SUN2: variants seen among roughly 807,000 people sequenced by gnomAD.
SUN2 encodes the protein SUN domain-containing protein 2.
In SUN2, 60 loss-of-function variants were observed where a neutral mutation model predicts 100.0. The observed-to-expected ratio is 0.60, with a 90% confidence interval of 0.49 to 0.74. The LOEUF is 0.74. Ranked by LOEUF, SUN2 falls within the 30% of genes least tolerant of loss-of-function variation. SUN2 has a pLI of 0.00. For missense variants in SUN2, 834 were observed against 954.6 expected (o/e 0.87, Z 1.66); for synonymous variants, 367 against 403.3 (o/e 0.91, Z 1.08).
At chr22:38,751,501 G>T (rs2092945826) in intron 2 of SUN2, 128 bp from the exon 3 acceptor site, 1 of 933,828 alleles carries the variant, frequency 1.1e-6, no homozygotes, top group East Asian at 2.6e-5. Flanking sequence ...TAGGCAACTC[G>T]CAGCTGCCAT....
chr22:38,745,606 G>T, intron 8 of SUN2, 78 bp downstream of exon 8: 1 of 1,569,816 alleles, frequency 6.4e-7, no homozygotes. Context: ...TGTGAGGCAG[G>T]CTGAGGGCGC....
rs763856034 is a variant in SUN2 at position 38,751,206 on chromosome 22, T to A, written c.286+4A>T. ...AGCCCCGGGACGGAGGGCTCCACAC[T>A]CACCCCAGTTGGCGTCACCATGCAG... is the stretch of plus-strand genomic sequence containing the variant. On this transcript the variant is annotated splice_donor_region_variant and intron_variant, in intron 3 of 17. Coordinates refer to ENST00000689035, the MANE Select transcript of SUN2 (RefSeq NM_015374.3). The A allele has an allele frequency of 6.2e-7, 1 of 1,610,828 alleles. No individual in the cohort carries two copies. The highest frequency in any genetic ancestry group is 1.1e-5 in the South Asian group (1 of 91,022).
Position 38,739,302 on chromosome 22 carries a change from G to T in SUN2, c.1663+40C>A. The T allele has an allele frequency of 6.2e-7, 1 of 1,601,458 alleles. No individual in the cohort carries two copies. Among genetic ancestry groups the T allele is most frequent in the Non-Finnish European group, 8.5e-7 (1 of 1,169,612 alleles). On this transcript the variant is annotated intron_variant, in intron 14 of 17. Transcript: ENST00000689035. This position sits in a 1 kb window ranked among gnomAD's most constrained non-coding sequence, Gnocchi z 6.7. ...GATGCCAGGGGACCGGCCATTGCGGGGTCCAGGACAAGGCAGAGCGAGGAA... is the reference window on the plus strand; with the variant it reads ...GATGCCAGGGGACCGGCCATTGCGGTGTCCAGGACAAGGCAGAGCGAGGAA...
chr22:38,751,454 G>A (rs139498913), intron 2 of SUN2, 81 bp from the exon 3 acceptor site: 43 of 1,534,480 alleles, frequency 2.8e-5, no homozygotes, highest in South Asian at 5.7e-5. Flanking sequence ...CACAGCCTGC[G>A]GCCCTGCCTA....
intron 1 of SUN2, among the ~76,000 whole-genome samples, chr22:38,753,210 CTT>C (rs869037443): frequency 1.3e-4 from 11 of 86,260 alleles, no homozygotes; most frequent in East Asian, 7.1e-4. Context: ...CACCTATGTT[CTT>C]TTTTTTTTTT....
intron 7 of SUN2, among the ~76,000 whole-genome samples, chr22:38,746,429 GGGCAGGT>G (rs996423855): frequency 6.6e-6 from 1 of 152,162 alleles, no homozygotes; most frequent in African/African-American, 2.4e-5. Flanking sequence ...CTGAGCTCTG[GGGCAGGT>G]GGCAGGGGAG....
rs923102833 is a variant in SUN2, at chr22:38,740,086, C to T, written c.1357-143G>A. The T allele has an allele frequency of 2.5e-6, 3 of 1,217,186 alleles. No homozygotes were observed. Among genetic ancestry groups the T allele is most frequent in the Non-Finnish European group, 3.4e-6 (3 of 888,126 alleles). The allele number at this position is 1,217,186 out of a possible 1,614,324, so 75.4% of individuals were successfully genotyped here. A position where few individuals can be genotyped will look rare whatever the true frequency, so the allele number is the denominator to read the frequency against. On this transcript the variant is annotated intron_variant, in intron 12 of 17. Coordinates refer to ENST00000689035, the MANE Select transcript of SUN2 (RefSeq NM_015374.3). This position sits in a 1 kb window ranked among gnomAD's most constrained non-coding sequence, Gnocchi z 4.8. ...GAAAGAGTTATGAACACTCCATGGG[C>T]ACTAACAAAAACAGGAAGAACGCCT... is the stretch of plus-strand genomic sequence containing the variant.
rs760739182 is a variant in SUN2, at chr22:38,750,230, G to A, written c.515C>T (p.Ser172Leu). The change falls in exon 5 of 18, where the codon TCG becomes TTG. Residue 172 changes from serine (S) to leucine (L), a missense_variant. Around this residue, in one of 3 missense-constraint regions of SUN2, gnomAD observed 559 missense variants for 597.7 expected, o/e 0.94. Transcript: ENST00000689035. ...AGSLLWMVAT[S>L]PGRLFRLLYW... ...GGGCACGGGTTGCAGCCCACCTGGCGAAGTGGCCACCATCCAGAGTAAGGA... is the reference window on the plus strand; with the variant it reads ...GGGCACGGGTTGCAGCCCACCTGGCAAAGTGGCCACCATCCAGAGTAAGGA... The A allele has an allele frequency of 1.9e-5, 30 of 1,610,228 alleles. No homozygotes were observed. The highest frequency in any genetic ancestry group is 6.7e-5 in the East Asian group (3 of 44,780).
Position 38,755,086 on chromosome 22 carries a change from A to T in SUN2, c.-38+677T>A. 1.0e-5 allele frequency: 10 copies of T among 993,286 alleles called. No individual in the cohort carries two copies. The highest frequency in any genetic ancestry group is 1.3e-5 in the Non-Finnish European group (10 of 758,784). The allele number at this position is 993,286 out of a possible 1,614,324, so 61.5% of individuals were successfully genotyped here. On this transcript the variant is annotated intron_variant, in intron 1 of 17. Coordinates refer to ENST00000689035, the MANE Select transcript of SUN2 (RefSeq NM_015374.3). The surrounding 1 kb of genome is among the most constrained non-coding windows in gnomAD (Gnocchi z 5.7). The stretch of plus-strand genomic sequence containing the variant: ...TCCTTCCCCACTTCTCAGCTGGGCG[A>T]CTTCCTTTCTCAATTCCGCCCTTCC...
rs1057499923 is a variant in SUN2 at position 38,734,921 on chromosome 22, G to A, written c.*1346C>T. The A allele has an allele frequency of 6.3e-5, 17 of 270,912 alleles. No homozygotes were observed. Among genetic ancestry groups the A allele is most frequent in the Admixed American group, 1.5e-4 (3 of 19,698 alleles). The allele number at this position is 270,912 out of a possible 1,614,324, so 16.8% of individuals were successfully genotyped here. A position where few individuals can be genotyped will look rare whatever the true frequency, so the allele number is the denominator to read the frequency against. On this transcript the variant is annotated 3_prime_UTR_variant, in exon 18 of 18. Coordinates refer to ENST00000689035, the MANE Select transcript of SUN2 (RefSeq NM_015374.3). ...CTCCAGAGCGGATTTGAGGCTCAGT[G>A]CTGCAGTGAAGGCCTGCCCGCCTTC... is the stretch of plus-strand genomic sequence containing the variant.
intron 8 of SUN2, chr22:38,743,619 A>G (rs1375839985): frequency 6.6e-6 from 1 of 150,760 alleles, no homozygotes; most frequent in Non-Finnish European, 1.5e-5. Context: ...GCCCACAAAA[A>G]CCAGCAAAAA....
At position 38,739,077 on chromosome 22, in the gene SUN2, G is replaced by C; in HGVS notation, c.1664-89C>G. The C allele has an allele frequency of 7.7e-7, 1 of 1,301,390 alleles. No individual in the cohort carries two copies. Among genetic ancestry groups the C allele is most frequent in the Non-Finnish European group, 1.1e-6 (1 of 922,060 alleles). The allele number at this position is 1,301,390 out of a possible 1,614,324, so 80.6% of individuals were successfully genotyped here. On this transcript the variant is annotated intron_variant, in intron 14 of 17. Coordinates refer to ENST00000689035, the MANE Select transcript of SUN2 (RefSeq NM_015374.3). This position sits in a 1 kb window ranked among gnomAD's most constrained non-coding sequence, Gnocchi z 6.7. The stretch of plus-strand genomic sequence containing the variant: ...GGCTGTCTCCTCGCTGAAGGTGGAC[G>C]GCAGATGCCCCAGGCCTAGCCTTTA...
At chr22:38,752,474 G>C (rs992733026) in intron 2 of SUN2, 33 bp downstream of exon 2, 1 of 1,584,972 alleles carries the variant, frequency 6.3e-7, no homozygotes, top group Non-Finnish European at 8.6e-7. Context: ...TTGTGGGGCT[G>C]TCAGGGGCCG....
chr22:38,752,571 T>TGCTGCC lies in SUN2; in HGVS notation c.52_57dup (p.Gly18_Ser19dup), dbSNP rs1220457546. 6.2e-7 allele frequency: 1 copy of TGCTGCC among 1,613,898 alleles called. No individual in the cohort carries two copies. Among genetic ancestry groups the TGCTGCC allele is most frequent in the African/African-American group, 1.3e-5 (1 of 74,940 alleles). Reference sequence around the variant, plus strand: ...GCCACCGAGCTCCCTCCGCTGCTGCTGCTGCCGTCATCGTCACCCTGGGAG... The same window carrying TGCTGCC: ...GCCACCGAGCTCCCTCCGCTGCTGCTGCTGCCGCTGCCGTCATCGTCACCCTGGGAG... On this transcript the variant is annotated inframe_insertion, in exon 2 of 18. Transcript: ENST00000689035.
chr22:38,745,960 G>T, intron 7 of SUN2, 149 bp from the exon 8 acceptor site: 1 of 1,247,020 alleles, frequency 8.0e-7, no homozygotes, highest in Non-Finnish European at 1.1e-6. Flanking sequence ...GGATGCAGGT[G>T]CCCCCATTCT....
chr22:38,754,487 C>T (rs745704167), intron 1 of SUN2, among the ~76,000 whole-genome samples: 1 of 152,210 alleles, frequency 6.6e-6, no homozygotes, highest in Non-Finnish European at 1.5e-5. Context: ...AGGTCAGACG[C>T]CCATCTGGCA....
chr22:38,755,170 G>T lies in SUN2; in HGVS notation c.-38+593C>A. Reference sequence around the variant, plus strand: ...AAACCAGATCTGGGGCATCTTCCTCGTGACATTTCCACTCCCTGGGCACAG... The same window carrying T: ...AAACCAGATCTGGGGCATCTTCCTCTTGACATTTCCACTCCCTGGGCACAG... On this transcript the variant is annotated intron_variant, in intron 1 of 17. Transcript: ENST00000689035. This position sits in a 1 kb window ranked among gnomAD's most constrained non-coding sequence, Gnocchi z 5.7. 2 of 1,114,032 alleles carry T rather than the reference G, an allele frequency of 1.8e-6. No individual in the cohort carries two copies. Among genetic ancestry groups the T allele is most frequent in the Non-Finnish European group, 2.3e-6 (2 of 874,036 alleles). 69.0% of individuals were successfully genotyped at this position (1,114,032 alleles called of 1,614,324 possible). A position where few individuals can be genotyped will look rare whatever the true frequency, so the allele number is the denominator to read the frequency against.
Position 38,741,492 on chromosome 22 carries a change from A to T in SUN2, c.1146+2T>A. 1 of 1,613,850 alleles carries T rather than the reference A, an allele frequency of 6.2e-7. No homozygotes were observed. Among genetic ancestry groups the T allele is most frequent in the Non-Finnish European group, 8.5e-7 (1 of 1,180,008 alleles). ...GGCCCTGAGTGCCGCAAGCCCGCTG[A>T]CCTGGGAGGCCCGGACGATCTTCTT... On this transcript the variant is annotated splice_donor_variant, in intron 10 of 17. Coordinates refer to ENST00000689035, the MANE Select transcript of SUN2 (RefSeq NM_015374.3). LOFTEE classifies it high-confidence loss of function.
At chr22:38,736,464 G>C in intron 17 of SUN2, 84 bp from the exon 18 acceptor site, 2 of 1,157,002 alleles carry the variant, frequency 1.7e-6, no homozygotes, top group Non-Finnish European at 2.4e-6. Flanking sequence ...AGACAGCCTC[G>C]CCTAGGGCCA....
Sources: allele counts gnomAD v4.1 joint callset (sites outside exome capture counted in the v4.1 genomes callset), GRCh38; gene constraint gnomAD v4.1.1; regional missense constraint gnomAD v4.1.1; non-coding constraint Gnocchi (gnomAD v3.1); transcripts MANE v1.5; gene names NCBI Gene and HGNC (gene_info 2026-07-23, HGNC 2026-07-21).